ANPEP: variants seen among roughly 807,000 people sequenced by gnomAD.
ANPEP encodes the protein aminopeptidase N.
A neutral mutation model predicts 114.6 loss-of-function variants in ANPEP; 70 were observed. That is an observed-to-expected ratio of 0.61 (90% CI 0.50 to 0.75). The LOEUF (loss-of-function observed/expected upper bound fraction) is 0.75. ANPEP is among the 30% of genes least tolerant of loss of function. ANPEP has a pLI of 0.00. For missense variants in ANPEP, 1,184 were observed against 1,259.5 expected, an observed-to-expected ratio of 0.94 and a Z score of 0.91; for synonymous variants, 548 against 522.3, an observed-to-expected ratio of 1.05 and a Z score of -0.67.
intron 18 of ANPEP, among the ~76,000 whole-genome samples, 190 bp from the exon 19 acceptor site, chr15:89,791,283 G>T (rs1248798628): frequency 6.6e-6 from 1 of 152,130 alleles, no homozygotes; most frequent in Non-Finnish European, 1.5e-5. Flanking sequence ...AGGGTCACAG[G>T]GTCACTGGCT....
At chr15:89,811,905 G>A (rs559934601) in intron 1 of ANPEP, among the ~76,000 whole-genome samples, 1 of 152,264 alleles carries the variant, frequency 6.6e-6, no homozygotes, top group East Asian at 1.9e-4. Flanking sequence ...CCTTTCTATG[G>A]GTTTATGTAT....
chr15:89,788,393 C>T (rs911015797), intron 20 of ANPEP, among the ~76,000 whole-genome samples: 2 of 152,160 alleles, frequency 1.3e-5, no homozygotes, highest in African/African-American at 4.8e-5. Context: ...GTATATGATT[C>T]CATTTTATGA....
intron 1 of ANPEP, among the ~76,000 whole-genome samples, chr15:89,807,309 A>T (rs1242036493): frequency 6.6e-6 from 1 of 152,134 alleles, no homozygotes; most frequent in Non-Finnish European, 1.5e-5. Context: ...ACCCTTCTGA[A>T]CCTCTCTCCT....
chr15:89,796,634 C>T (rs1180202565), intron 15 of ANPEP, among the ~76,000 whole-genome samples: 1 of 151,850 alleles, frequency 6.6e-6, no homozygotes, highest in Non-Finnish European at 1.5e-5. Flanking sequence ...ACTACAGGTG[C>T]CCGCCACCAC....
Position 89,806,503 on chromosome 15 carries a change from G to A in ANPEP, c.81C>T (p.Ile27=), listed in dbSNP as rs761520953. ...LLGVAAVCTI[I]ALSVVYSQEK... ...CCTGGGAGTACACCACTGACAGTGC[G>A]ATGATTGTGCACACGGCTGCCACGC... Residue 27 remains isoleucine, a synonymous_variant, in exon 2 of 21, where the codon ATC becomes ATT. Coordinates refer to ENST00000300060, the MANE Select transcript of ANPEP (RefSeq NM_001150.3). The surrounding 1 kb of genome is among the most constrained non-coding windows in gnomAD (Gnocchi z 5.7). 2.0e-5 allele frequency: 33 copies of A among 1,613,972 alleles called. No homozygotes were observed. The Admixed American group carries it at 2.3e-4, about 11-fold the overall frequency.
Position 89,806,241 on chromosome 15 carries a change from C to T in ANPEP, c.343G>A (p.Glu115Lys). The change falls in exon 2 of 21, where the codon GAG (glutamate) becomes AAG (lysine). Residue 115 changes from glutamate to lysine, a missense_variant. Physicochemically the swap from Glu to Lys is moderately conservative, Grantham distance 56. Transcript: ENST00000300060. This position sits in a 1 kb window ranked among gnomAD's most constrained non-coding sequence, Gnocchi z 5.7. ...TGGATGATGATGACGTCAGTGGCCT[C>T]CTTGCAGGTGAAACGGACGGTGCTG... is the stretch of plus-strand genomic sequence containing the variant. ...GSSTVRFTCK[E>K]ATDVIIIHSK... is the part of the protein sequence containing the mutation. The T allele has an allele frequency of 1.2e-6, 2 of 1,614,140 alleles. No individual in the cohort carries two copies. The highest frequency in any genetic ancestry group is 1.7e-6 in the Non-Finnish European group (2 of 1,180,012).
intron 15 of ANPEP, among the ~76,000 whole-genome samples, chr15:89,795,064 C>G (rs1298430651): frequency 1.8e-5 from 2 of 111,624 alleles, no homozygotes; most frequent in African/African-American, 6.9e-5. Context: ...AAAACAAACA[C>G]AAAACTCAAG....
At chr15:89,789,532 G>A (rs1204952499) in intron 20 of ANPEP, among the ~76,000 whole-genome samples, 2 of 151,868 alleles carry the variant, frequency 1.3e-5, no homozygotes, top group African/African-American at 2.4e-5. Context: ...CAGCACTTTG[G>A]GAGACCGAGG....
At chr15:89,802,104 G>A (rs2007084) in intron 10 of ANPEP, among the ~76,000 whole-genome samples, 8,080 of 152,216 alleles carry the variant, frequency 0.053, 293 homozygotes, top group Non-Finnish European at 0.079. Context: ...CACCTGCCTT[G>A]CCTTTGTCAT....
At position 89,803,934 on chromosome 15, in the gene ANPEP, G is replaced by A. The variant is rs775447475; in HGVS notation, c.1248C>T (p.Tyr416=). Residue 416 remains tyrosine (Y), a synonymous_variant, in exon 7 of 21, where the codon TAC becomes TAT. Transcript: ENST00000300060. This position sits in a 1 kb window ranked among gnomAD's most constrained non-coding sequence, Gnocchi z 4.2. ...DLWLNEGFAS[Y]VEYLGADYAE... ...CATAGTCAGCACCCAGGTACTCCAC[G>A]TAGGAGGCGAAGCCCTCGTTCAGCC... The A allele has an allele frequency of 2.4e-5, 38 of 1,614,054 alleles. No homozygotes were observed. Among genetic ancestry groups the A allele is most frequent in the Middle Eastern group, 1.6e-4 (1 of 6,084 alleles).
rs1326239109 is a variant in ANPEP at position 89,803,905 on chromosome 15, T to G, written c.1277A>C (p.Glu426Ala). 1 of 1,614,010 alleles carries G rather than the reference T, an allele frequency of 6.2e-7. No individual in the cohort carries two copies. The highest frequency in any genetic ancestry group is 1.7e-5 in the Admixed American group (1 of 59,994). ...YVEYLGADYAEPTWNLKDLMV... is the reference protein window; with the variant it reads ...YVEYLGADYAAPTWNLKDLMV... ...CTGGCTTACCAAGTTCCAGGTGGGC[T>G]CCGCATAGTCAGCACCCAGGTACTC... Residue 426 changes from glutamate (E) to alanine (A), a missense_variant, in exon 7 of 21, where the codon GAG (glutamate) becomes GCG (alanine). By Grantham distance (107) the Glu-to-Ala change is moderately radical. Coordinates refer to ENST00000300060, the MANE Select transcript of ANPEP (RefSeq NM_001150.3). This position sits in a 1 kb window ranked among gnomAD's most constrained non-coding sequence, Gnocchi z 4.2.
intron 1 of ANPEP, among the ~76,000 whole-genome samples, chr15:89,809,974 AC>A (rs974400657): frequency 4.8e-4 from 73 of 151,214 alleles, no homozygotes; most frequent in African/African-American, 1.6e-3. Flanking sequence ...TCAAACTCCT[AC>A]TCATCCTTCA....
intron 1 of ANPEP, among the ~76,000 whole-genome samples, chr15:89,809,574 C>T (rs959029056): frequency 1.6e-4 from 25 of 152,328 alleles, no homozygotes; most frequent in Middle Eastern, 3.4e-3. Context: ...TCTGCAGCCC[C>T]CACCTTCAGG....
At chr15:89,801,413 C>T (rs1361848461) in intron 11 of ANPEP, 22 bp downstream of exon 11, 2 of 1,612,880 alleles carry the variant, frequency 1.2e-6, no homozygotes, top group African/African-American at 2.7e-5. Context: ...CTGACCATGC[C>T]TCAGTGACCC....
chr15:89,812,729 G>A (rs1287902381), intron 1 of ANPEP, among the ~76,000 whole-genome samples: 4 of 151,958 alleles, frequency 2.6e-5, no homozygotes, highest in Non-Finnish European at 5.9e-5. Context: ...CCCCCATTTG[G>A]CAAATGAGGA....
rs376198036 is a variant in ANPEP at position 89,803,527 on chromosome 15, G to A, written c.1438-20C>T. 23 of 1,605,920 alleles carry A rather than the reference G, an allele frequency of 1.4e-5. No homozygotes were observed. Among genetic ancestry groups the A allele is most frequent in the Non-Finnish European group, 1.9e-5 (22 of 1,178,696 alleles). On this transcript the variant is annotated intron_variant, in intron 8 of 20. Coordinates refer to ENST00000300060, the MANE Select transcript of ANPEP (RefSeq NM_001150.3). This position sits in a 1 kb window ranked among gnomAD's most constrained non-coding sequence, Gnocchi z 4.2. ...GGCGCCCTGGGGTGGGGGTGAGGGGGCGCTCAGAAGGCTGTGCAGAGCCAC... is the reference window on the plus strand; with the variant it reads ...GGCGCCCTGGGGTGGGGGTGAGGGGACGCTCAGAAGGCTGTGCAGAGCCAC...
intron 1 of ANPEP, among the ~76,000 whole-genome samples, chr15:89,811,397 T>A (rs985845725): frequency 2.0e-5 from 3 of 152,042 alleles, no homozygotes; most frequent in Non-Finnish European, 4.4e-5. Context: ...TTGTAATCCC[T>A]GCACTTCGGG....
intron 15 of ANPEP, among the ~76,000 whole-genome samples, chr15:89,794,660 T>G (rs544182842): frequency 6.8e-6 from 1 of 147,544 alleles, no homozygotes; most frequent in South Asian, 2.1e-4. Context: ...CACCACCCCA[T>G]GAGAGAGATT....
At position 89,792,397 on chromosome 15, in the gene ANPEP, G is replaced by A. The variant is rs1168672918; in HGVS notation, c.2360+55C>T. ...GGTGGGACAGGGTTCTGCTGAGGACGGGGCTGTTGGGGGCAGATGAAGACT... is the reference window on the plus strand; with the variant it reads ...GGTGGGACAGGGTTCTGCTGAGGACAGGGCTGTTGGGGGCAGATGAAGACT... On this transcript the variant is annotated intron_variant, in intron 17 of 20. Coordinates refer to ENST00000300060, the MANE Select transcript of ANPEP (RefSeq NM_001150.3). The A allele has an allele frequency of 1.7e-5, 27 of 1,612,238 alleles. No individual in the cohort carries two copies. The Middle Eastern group carries it at 5.0e-4, about 30-fold the overall frequency.
Sources: gnomAD v4.1 joint callset for allele counts (sites outside exome capture counted in the v4.1 genomes callset) on GRCh38, gnomAD v4.1.1 for gene constraint, Gnocchi (gnomAD v3.1) non-coding constraint, MANE v1.5 for transcripts, NCBI Gene and HGNC (gene_info 2026-07-23, HGNC 2026-07-21) for gene names.